Variants in PTPRN2 observed in about 807,000 individuals in gnomAD.
PTPRN2 encodes the protein protein tyrosine phosphatase receptor type N2, also known as receptor-type tyrosine-protein phosphatase N2.
A neutral mutation model predicts 118.8 loss-of-function variants in PTPRN2; 74 were observed. That is an observed-to-expected ratio of 0.62 (90% CI 0.52 to 0.76). The LOEUF (loss-of-function observed/expected upper bound fraction) is 0.76, where lower values mean the gene tolerates loss of function less well. PTPRN2 is among the 30% of genes least tolerant of loss of function. PTPRN2 has a pLI of 0.00. For synonymous variants in PTPRN2, 641 were observed against 608.0 expected (o/e 1.05, Z -0.80); for missense variants, 1,481 against 1,394.4 (o/e 1.06, Z -0.99).
chr7:158,224,034 C>T (rs1828566597), intron 3 of PTPRN2, among the ~76,000 whole-genome samples: 1 of 152,074 alleles, frequency 6.6e-6, no homozygotes, highest in Non-Finnish European at 1.5e-5. Flanking sequence ...TCAAAGAATA[C>T]CTAGGTGTAA....
intron 12 of PTPRN2, among the ~76,000 whole-genome samples, chr7:157,873,788 G>A (rs1795536826): frequency 6.6e-6 from 1 of 152,140 alleles, no homozygotes; most frequent in East Asian, 1.9e-4. Flanking sequence ...GGAGAGCGCA[G>A]CACTCGGCAT....
chr7:158,322,379 T>C (rs7779781), intron 2 of PTPRN2, among the ~76,000 whole-genome samples: 60,732 of 151,792 alleles, frequency 0.4, 12,268 homozygotes, highest in Middle Eastern at 0.47. Context: ...CAGAGGGCAC[T>C]GACCTCACCC....
intron 12 of PTPRN2, among the ~76,000 whole-genome samples, chr7:157,885,118 A>T (rs1166888447): frequency 6.6e-6 from 1 of 152,178 alleles, no homozygotes; most frequent in Non-Finnish European, 1.5e-5. Context: ...ACAGAGTAGT[A>T]GCTTGAGGCC....
In PTPRN2 at chr7:157,965,193, G is replaced by C. The variant is rs113391247; in HGVS notation, c.1724-66456C>G. The stretch of plus-strand genomic sequence containing the variant: ...GTACCCACTTTGTGCTAAATACTTA[G>C]TTTTTGACTCCATATGTATGAAGAT... On this transcript the variant is annotated intron_variant, in intron 11 of 22. Coordinates refer to ENST00000389418, the MANE Select transcript of PTPRN2 (RefSeq NM_002847.5). Among the ~76,000 whole-genome samples, 1,242 of 152,292 alleles carry C rather than the reference G, an allele frequency of 8.2e-3. 24 individuals are homozygous for C. Among genetic ancestry groups the C allele is most frequent in the African/African-American group, 0.029 (1,186 of 41,564 alleles).
At chr7:158,155,595 TCATCATCAC>T (rs1821702952) in intron 6 of PTPRN2, among the ~76,000 whole-genome samples, 1 of 22,534 alleles carries the variant, frequency 4.4e-5, no homozygotes, top group Middle Eastern at 0.045. Flanking sequence ...ATCATCACCA[TCATCATCAC>T]CATCACCATC....
chr7:157,689,488 C>A (rs568482294), intron 12 of PTPRN2, among the ~76,000 whole-genome samples: 46 of 152,328 alleles, frequency 3.0e-4, no homozygotes, highest in African/African-American at 1.1e-3. Context: ...CCCAGCTCAG[C>A]GCACTGAGGA....
rs571952222 is a variant in PTPRN2 at position 158,534,707 on chromosome 7, A to C, written c.113-44922T>G. 2.0e-5 allele frequency among the ~76,000 whole-genome samples: 3 copies of C among 152,308 alleles called. No individual in the cohort carries two copies. The South Asian group carries it at 6.2e-4, about 32-fold the overall frequency. On this transcript the variant is annotated intron_variant, in intron 1 of 22. Transcript: ENST00000389418. ...GGCCAAAGCTAGCCTACCACGTCAC[A>C]CAGTGGCCATCTGCCCGGGCATGTT...
rs1366401862 is a variant in PTPRN2, at chr7:158,338,975, C to T, written c.164-22043G>A. 2.5e-4 allele frequency among the ~76,000 whole-genome samples: 2 copies of T among 7,884 alleles called. 1 individual carries two copies. The highest frequency in any genetic ancestry group is 4.9e-4 in the Non-Finnish European group (2 of 4,062). 5.2% of individuals were successfully genotyped at this position (7,884 alleles called of 152,430 possible). On this transcript the variant is annotated intron_variant, in intron 2 of 22. Coordinates refer to ENST00000389418, the MANE Select transcript of PTPRN2 (RefSeq NM_002847.5). ...CACACTCTCACCATAAGAACTGACA[C>T]CTGCAGACATCACTCACACCCACAG...
At position 157,903,217 on chromosome 7, in the gene PTPRN2, G is replaced by C. The variant is rs1797570850; in HGVS notation, c.1724-4480C>G. 1.3e-5 allele frequency among the ~76,000 whole-genome samples: 2 copies of C among 152,134 alleles called. No homozygotes were observed. Among genetic ancestry groups the C allele is most frequent in the Non-Finnish European group, 2.9e-5 (2 of 68,030 alleles). ...CATGGAAGTGGGGACCAGACATCGG[G>C]TACTTACAGCCATAGAGATGGGAAC... On this transcript the variant is annotated intron_variant, in intron 11 of 22. Coordinates refer to ENST00000389418, the MANE Select transcript of PTPRN2 (RefSeq NM_002847.5). The surrounding 1 kb of genome is among the most constrained non-coding windows in gnomAD (Gnocchi z 4.2).
chr7:158,373,183 G>C (rs1810231701), intron 2 of PTPRN2, among the ~76,000 whole-genome samples: 1 of 152,258 alleles, frequency 6.6e-6, no homozygotes, highest in South Asian at 2.1e-4. Context: ...TATGACAGCA[G>C]ATGTGCTTTC....
At chr7:157,723,155 C>A (rs1799337939) in intron 12 of PTPRN2, among the ~76,000 whole-genome samples, 1 of 152,228 alleles carries the variant, frequency 6.6e-6, no homozygotes, top group Non-Finnish European at 1.5e-5. Flanking sequence ...GCTGAGAAAG[C>A]CAGCATCTGA....
chr7:158,047,905 G>A (rs1259912527), intron 11 of PTPRN2, among the ~76,000 whole-genome samples: 1 of 152,152 alleles, frequency 6.6e-6, no homozygotes, highest in Non-Finnish European at 1.5e-5. Context: ...GGATGAACAG[G>A]GCAGTGCAAG....
chr7:158,382,489 A>C (rs536263060), intron 2 of PTPRN2, among the ~76,000 whole-genome samples: 2 of 152,324 alleles, frequency 1.3e-5, no homozygotes, highest in Admixed American at 6.5e-5. Flanking sequence ...CTGCAAAAAC[A>C]ATTTTTCCAG....
At chr7:157,772,779 T>G (rs77570537) in intron 12 of PTPRN2, among the ~76,000 whole-genome samples, 6,957 of 152,302 alleles carry the variant, frequency 0.046, 188 homozygotes, top group African/African-American at 0.06. Flanking sequence ...GTAAACACAT[T>G]GAGTCTTTGG....
At chr7:158,131,968 C>T (rs1818356193) in intron 9 of PTPRN2, among the ~76,000 whole-genome samples, 2 of 151,686 alleles carry the variant, frequency 1.3e-5, no homozygotes, top group African/African-American at 4.9e-5. Context: ...CACAGATACA[C>T]ATCTACCCAA....
At chr7:158,387,911 G>A (rs1371932547) in intron 2 of PTPRN2, among the ~76,000 whole-genome samples, 1 of 152,164 alleles carries the variant, frequency 6.6e-6, no homozygotes, top group Non-Finnish European at 1.5e-5. Flanking sequence ...CCCAATCGGT[G>A]AGCTAATGCC....
rs915566421 is a variant in PTPRN2 at position 157,615,376 on chromosome 7, T to G, written c.2344+5986A>C. 2 of 461,326 alleles carry G rather than the reference T, an allele frequency of 4.3e-6. No homozygotes were observed. The highest frequency in any genetic ancestry group is 4.0e-5 in the African/African-American group (2 of 49,932). 28.6% of individuals were successfully genotyped at this position (461,326 alleles called of 1,614,324 possible). On this transcript the variant is annotated intron_variant, in intron 15 of 22. Transcript: ENST00000389418. This position sits in a 1 kb window ranked among gnomAD's most constrained non-coding sequence, Gnocchi z 4.3. ...GGGGAGCCGCTGACCTTGGGCTCCC[T>G]AACCTCCTTCAGCCCCAGCTCTGTC...
intron 2 of PTPRN2, among the ~76,000 whole-genome samples, chr7:158,459,331 G>A (rs531634186): frequency 5.4e-4 from 7 of 12,878 alleles, no homozygotes; most frequent in Admixed American, 4.0e-3. Flanking sequence ...CAGAGCACCC[G>A]CCTGGGACGA....
chr7:157,904,462 G>A (rs1002746856), intron 11 of PTPRN2, among the ~76,000 whole-genome samples: 5 of 152,168 alleles, frequency 3.3e-5, no homozygotes, highest in Admixed American at 6.5e-5. Context: ...GCCAGCTCAC[G>A]TCAAGAAACT....
Sources: allele counts gnomAD v4.1 joint callset (sites outside exome capture counted in the v4.1 genomes callset), GRCh38; gene constraint gnomAD v4.1.1; non-coding constraint Gnocchi (gnomAD v3.1); transcripts MANE v1.5; gene names NCBI Gene and HGNC (gene_info 2026-07-23, HGNC 2026-07-21).